The following PPP1R12B variants were observed in gnomAD, a reference collection of about 807,000 sequenced individuals.
PPP1R12B encodes the protein protein phosphatase 1 regulatory subunit 12B.
In PPP1R12B, 76 loss-of-function variants were observed where a neutral mutation model predicts 126.1. That is an observed-to-expected ratio of 0.60 (90% confidence interval 0.50 to 0.73). The LOEUF is 0.73. PPP1R12B is among the 30% of genes least tolerant of loss of function. The pLI is 0.00. For synonymous variants in PPP1R12B, 356 were observed against 434.7 expected (o/e 0.82, Z 2.25); for missense variants, 1,052 against 1,205.1 (o/e 0.87, Z 1.88).
intron 1 of PPP1R12B, among the ~76,000 whole-genome samples, chr1:202,409,534 A>G (rs1350658062): frequency 2.0e-5 from 3 of 151,874 alleles, no homozygotes; most frequent in Admixed American, 6.6e-5. Flanking sequence ...GTTGGCCAGG[A>G]TGGTCTCAAT....
At chr1:202,370,885 TG>T (rs1660109907) in intron 1 of PPP1R12B, among the ~76,000 whole-genome samples, 1 of 152,148 alleles carries the variant, frequency 6.6e-6, no homozygotes, top group African/African-American at 2.4e-5. Flanking sequence ...TTTTCTGATG[TG>T]GTTGTACCAT....
intron 3 of PPP1R12B, among the ~76,000 whole-genome samples, chr1:202,423,936 C>T (rs1201820086): frequency 6.6e-6 from 1 of 152,134 alleles, no homozygotes; most frequent in African/African-American, 2.4e-5. Flanking sequence ...CCACCAGCCT[C>T]GGCCTCCCAA....
intron 14 of PPP1R12B, 120 bp from the exon 15 acceptor site, chr1:202,492,994 T>G: frequency 9.4e-7 from 1 of 1,066,460 alleles, no homozygotes; most frequent in East Asian, 2.4e-5. Flanking sequence ...CATTATGCAT[T>G]TTGAGGGGCT....
chr1:202,527,158 T>C (rs1683432574), intron 18 of PPP1R12B, among the ~76,000 whole-genome samples: 2 of 152,206 alleles, frequency 1.3e-5, no homozygotes, highest in African/African-American at 4.8e-5. Context: ...TTTGAAAAGA[T>C]AGAAAATTCA....
chr1:202,377,418 T>C (rs1442117317), intron 1 of PPP1R12B, among the ~76,000 whole-genome samples: 6 of 151,672 alleles, frequency 4.0e-5, no homozygotes, highest in Non-Finnish European at 8.8e-5. Context: ...TTCTCCTGCC[T>C]CAGCCTCCCT....
intron 1 of PPP1R12B, among the ~76,000 whole-genome samples, chr1:202,393,086 C>T (rs1664382563): frequency 6.6e-6 from 1 of 152,086 alleles, no homozygotes. Flanking sequence ...GCTGGGACTA[C>T]AGGCACACAC....
intron 1 of PPP1R12B, among the ~76,000 whole-genome samples, chr1:202,411,062 C>T (rs1449274774): frequency 2.6e-5 from 4 of 151,996 alleles, no homozygotes; most frequent in Non-Finnish European, 4.4e-5. Context: ...AAGTTCATGT[C>T]CCTGGAAACA....
intron 1 of PPP1R12B, among the ~76,000 whole-genome samples, chr1:202,377,543 A>T (rs1179268925): frequency 1.3e-5 from 2 of 151,900 alleles, no homozygotes; most frequent in Admixed American, 6.6e-5. Flanking sequence ...CGACACCATG[A>T]TCCGCCCGCC....
intron 13 of PPP1R12B, among the ~76,000 whole-genome samples, chr1:202,468,823 G>A (rs372820399): frequency 1.3e-4 from 20 of 152,142 alleles, no homozygotes; most frequent in South Asian, 4.1e-4. Flanking sequence ...GCATGGTGGC[G>A]CTTGCCTGTA....
intron 18 of PPP1R12B, among the ~76,000 whole-genome samples, chr1:202,520,710 A>G (rs1436173123): frequency 6.6e-6 from 1 of 152,230 alleles, no homozygotes; most frequent in Non-Finnish European, 1.5e-5. Flanking sequence ...TTATTTCAAA[A>G]GTGAAAGCTA....
chr1:202,507,321 CACATTAAAAT>C (rs1321221254), intron 18 of PPP1R12B, among the ~76,000 whole-genome samples: 2 of 152,178 alleles, frequency 1.3e-5, no homozygotes, highest in Non-Finnish European at 1.5e-5. Flanking sequence ...CAAGCATTAA[CACATTAAAAT>C]ACATATTTTA....
In PPP1R12B at chr1:202,462,746, G is replaced by A. The variant is rs141963150; in HGVS notation, c.1850+13575G>A. 2.3e-5 allele frequency: 22 copies of A among 977,776 alleles called. No homozygotes were observed. In the African/African-American group the frequency reaches 3.3e-4, roughly 15 times the overall value. The allele number at this position is 977,776 out of a possible 1,614,324, so 60.6% of individuals were successfully genotyped here. A position where few individuals can be genotyped will look rare whatever the true frequency, so the allele number is the denominator to read the frequency against. The stretch of plus-strand genomic sequence containing the variant: ...TTTCCCATGTTAGAAAAGGACAGTT[G>A]CTGGTACAATCTCATAAAATGGGCT... On this transcript the variant is annotated intron_variant, in intron 13 of 23. Transcript: ENST00000608999.
intron 18 of PPP1R12B, among the ~76,000 whole-genome samples, chr1:202,505,622 A>C (rs2148882913): frequency 1.3e-5 from 2 of 152,244 alleles, no homozygotes; most frequent in Middle Eastern, 6.8e-3. Flanking sequence ...CTAATATGGT[A>C]AGGTATTTCC....
At chr1:202,556,660 C>T (rs1686978133) in intron 18 of PPP1R12B, among the ~76,000 whole-genome samples, 1 of 152,098 alleles carries the variant, frequency 6.6e-6, no homozygotes, top group African/African-American at 2.4e-5. Context: ...CTCCATAGCA[C>T]GTATTCTCAT....
intron 23 of PPP1R12B, among the ~76,000 whole-genome samples, chr1:202,577,499 G>A (rs189151531): frequency 7.2e-5 from 11 of 152,056 alleles, no homozygotes; most frequent in African/African-American, 1.4e-4. Flanking sequence ...AAAGCTTGCC[G>A]ATTCTTGCCA....
At chr1:202,349,243 T>C in intron 1 of PPP1R12B, 101 bp downstream of exon 1, 1 of 1,367,528 alleles carries the variant, frequency 7.3e-7, no homozygotes, top group Non-Finnish European at 1.0e-6. Context: ...CGCCGACTCC[T>C]TCTGCATGGA....
chr1:202,460,492 CCT>C (rs1221267730), intron 13 of PPP1R12B, among the ~76,000 whole-genome samples: 1 of 152,186 alleles, frequency 6.6e-6, no homozygotes, highest in African/African-American at 2.4e-5. Flanking sequence ...GATTTGTTCC[CCT>C]GTGTCCAAGC....
chr1:202,362,210 A>T (rs551944454), intron 1 of PPP1R12B, among the ~76,000 whole-genome samples: 1 of 152,156 alleles, frequency 6.6e-6, no homozygotes, highest in East Asian at 1.9e-4. Context: ...GGTCCTGTGG[A>T]TGCAGCTTCA....
At chr1:202,407,433 T>G (rs1274498966) in intron 1 of PPP1R12B, among the ~76,000 whole-genome samples, 2 of 152,208 alleles carry the variant, frequency 1.3e-5, no homozygotes, top group East Asian at 3.8e-4. Context: ...GGAAAATTCT[T>G]TACTTCTGCT....
Sources: allele counts gnomAD v4.1 joint callset (sites outside exome capture counted in the v4.1 genomes callset), GRCh38; gene constraint gnomAD v4.1.1; transcripts MANE v1.5; gene names NCBI Gene and HGNC (gene_info 2026-07-23, HGNC 2026-07-21).